The following ASXL3 variants were observed in gnomAD, a reference collection of about 807,000 sequenced individuals.
ASXL3 encodes the protein ASXL transcriptional regulator 3, also known as putative Polycomb group protein ASXL3.
Under a neutral mutation model 170.6 loss-of-function variants are expected in ASXL3, and 34 were observed. That is an observed-to-expected ratio of 0.20 (90% CI 0.15 to 0.27). The LOEUF (loss-of-function observed/expected upper bound fraction) is 0.27. Among genes scored for constraint, ASXL3 ranks in the 10% least tolerant of loss-of-function variants. The pLI, the probability that ASXL3 is intolerant of heterozygous loss-of-function variation, is 1.00. For missense variants in ASXL3, 2,592 were observed against 2,695.3 expected (o/e 0.96, Z 0.85); for synonymous variants, 1,002 against 989.1 (o/e 1.01, Z -0.24).
At chr18:33,609,183 C>T (rs1279612329) in intron 2 of ASXL3, 1 of 448,038 alleles carries the variant, frequency 2.2e-6, no homozygotes, top group African/African-American at 2.1e-5. Context: ...GATTAATTTT[C>T]TTCTTGCCAC....
At chr18:33,711,734 A>G (rs926797754) in intron 8 of ASXL3, among the ~76,000 whole-genome samples, 1 of 152,088 alleles carries the variant, frequency 6.6e-6, no homozygotes, top group African/African-American at 2.4e-5. Flanking sequence ...GGTGTCTGGG[A>G]GAGGCTATGG....
intron 2 of ASXL3, among the ~76,000 whole-genome samples, chr18:33,634,599 G>A (rs2065737065): frequency 6.6e-6 from 1 of 152,102 alleles, no homozygotes; most frequent in Admixed American, 6.6e-5. Context: ...AAAGTGGATT[G>A]CTGATCTGTA....
At position 33,739,369 on chromosome 18, in the gene ASXL3, C is replaced by T. The variant is rs747029565; in HGVS notation, c.1965C>T (p.Ser655=). 42 of 1,613,584 alleles carry T rather than the reference C, an allele frequency of 2.6e-5. No homozygotes were observed. The African/African-American group carries it at 5.6e-4, about 22-fold the overall frequency. Residue 655 remains serine, a synonymous_variant, in exon 11 of 12, where the codon AGC becomes AGT. Coordinates refer to ENST00000269197, the MANE Select transcript of ASXL3 (RefSeq NM_030632.3). ...LETTFCSEVS[S]TENTDKYNQR... ...CAACATTTTGTTCTGAGGTATCTAG[C>T]ACTGAAAATACAGACAAATACAACC...
At position 33,748,812 on chromosome 18, in the gene ASXL3, A is replaced by G. The variant is rs2067839108; in HGVS notation, c.*2217A>G. On this transcript the variant is annotated 3_prime_UTR_variant, in exon 12 of 12. Coordinates refer to ENST00000269197, the MANE Select transcript of ASXL3 (RefSeq NM_030632.3). ...ACACCAGCAAATTGAAAACCATCAC[A>G]TCAGTAACTGACATGGTGTCGGAAG... is the stretch of plus-strand genomic sequence containing the variant. 1 of 152,236 alleles carries G rather than the reference A, an allele frequency of 6.6e-6. No individual in the cohort carries two copies. The highest frequency in any genetic ancestry group is 1.5e-5 in the Non-Finnish European group (1 of 68,058). 9.4% of individuals were successfully genotyped at this position (152,236 alleles called of 1,614,324 possible). A position where few individuals can be genotyped will look rare whatever the true frequency, so the allele number is the denominator to read the frequency against.
intron 1 of ASXL3, among the ~76,000 whole-genome samples, chr18:33,596,311 A>G (rs1281689132): frequency 6.6e-6 from 1 of 152,112 alleles, no homozygotes; most frequent in Non-Finnish European, 1.5e-5. Flanking sequence ...CAGAGAGTAA[A>G]TGTCTCCAGC....
intron 4 of ASXL3, among the ~76,000 whole-genome samples, chr18:33,656,792 T>G (rs1412522254): frequency 6.6e-6 from 1 of 152,074 alleles, no homozygotes; most frequent in Non-Finnish European, 1.5e-5. Context: ...GAAAATAATT[T>G]AAGAAGGCTT....
intron 5 of ASXL3, among the ~76,000 whole-genome samples, chr18:33,665,722 GCTTT>G (rs2066245243): frequency 6.6e-6 from 1 of 151,966 alleles, no homozygotes; most frequent in South Asian, 2.1e-4. Flanking sequence ...TATCTAACAG[GCTTT>G]CTGTCTGAAA....
At chr18:33,654,724 A>T (rs888982693) in intron 4 of ASXL3, among the ~76,000 whole-genome samples, 4 of 151,768 alleles carry the variant, frequency 2.6e-5, no homozygotes, top group Non-Finnish European at 1.5e-5. Context: ...CATTTTTCCC[A>T]CACAAACAGC....
chr18:33,617,311 G>A (rs965403654), intron 2 of ASXL3, among the ~76,000 whole-genome samples: 1 of 152,008 alleles, frequency 6.6e-6, no homozygotes, highest in African/African-American at 2.4e-5. Flanking sequence ...GGCCAACACG[G>A]TGAAACCCAT....
In ASXL3 at chr18:33,745,653, T is replaced by C. The variant is rs758006880; in HGVS notation, c.5805T>C (p.Pro1935=). The change falls in exon 12 of 12, where the codon CCT becomes CCC. Residue 1935 remains proline (P), a synonymous_variant. Transcript: ENST00000269197. ...TSHRQQFYQM[P]VAARGPIPTA... is the part of the protein sequence containing the mutation. The stretch of plus-strand genomic sequence containing the variant: ...ACAGACAGCAGTTTTACCAAATGCC[T>C]GTGGCTGCCAGGGGCCCCATTCCTA... 7.4e-6 allele frequency: 12 copies of C among 1,613,984 alleles called. No individual in the cohort carries two copies. The highest frequency in any genetic ancestry group is 1.6e-4 in the Middle Eastern group (1 of 6,062).
chr18:33,597,376 G>A (rs1469204914), intron 1 of ASXL3, among the ~76,000 whole-genome samples: 1 of 151,984 alleles, frequency 6.6e-6, no homozygotes, highest in East Asian at 1.9e-4. Flanking sequence ...ATCCTCCCAT[G>A]TCAGTACATA....
In ASXL3 at chr18:33,743,357, A is replaced by G. The variant is rs1403486248; in HGVS notation, c.3509A>G (p.Asn1170Ser). ...AATCCAAACTGTAGATCTCCTAGCA[A>G]CAAGTCTGCCCACCTCCGGGAGACC... ...IVNPNCRSPSNKSAHLRETTT... is the reference protein window; with the variant it reads ...IVNPNCRSPSSKSAHLRETTT... The change falls in exon 12 of 12, where the codon AAC becomes AGC. Residue 1170 changes from asparagine to serine, a missense_variant. This residue lies in a region of ASXL3 where 2,246 missense variants were observed against 2,219.6 expected (regional missense o/e 1.01). Transcript: ENST00000269197. 6.2e-7 allele frequency: 1 copy of G among 1,613,622 alleles called. No homozygotes were observed. The highest frequency in any genetic ancestry group is 1.1e-5 in the South Asian group (1 of 91,080).
intron 2 of ASXL3, among the ~76,000 whole-genome samples, chr18:33,628,393 G>A (rs2065631144): frequency 6.6e-6 from 1 of 152,072 alleles, no homozygotes; most frequent in African/African-American, 2.4e-5. Context: ...AAACCAAGGA[G>A]GAAATGAGAG....
chr18:33,693,718 C>T (rs970803460), intron 8 of ASXL3, among the ~76,000 whole-genome samples: 1 of 152,016 alleles, frequency 6.6e-6, no homozygotes, highest in Non-Finnish European at 1.5e-5. Flanking sequence ...TGTTTTTCAC[C>T]CCAGCAATGC....
At chr18:33,585,762 G>T (rs1292984147) in intron 1 of ASXL3, among the ~76,000 whole-genome samples, 1 of 152,168 alleles carries the variant, frequency 6.6e-6, no homozygotes, top group African/African-American at 2.4e-5. Context: ...AATTCTCCAA[G>T]GCGGTGCAAT....
chr18:33,742,031 G>A (rs550513929), intron 11 of ASXL3, among the ~76,000 whole-genome samples: 12 of 152,312 alleles, frequency 7.9e-5, no homozygotes, highest in South Asian at 2.1e-4. Context: ...GGGTTGGGAC[G>A]TTTACAAAAT....
chr18:33,635,819 G>T (rs2065754543), intron 2 of ASXL3, among the ~76,000 whole-genome samples: 1 of 152,154 alleles, frequency 6.6e-6, no homozygotes, highest in Non-Finnish European at 1.5e-5. Context: ...GAATTTTGGT[G>T]ATGTTCATTG....
At position 33,745,129 on chromosome 18, in the gene ASXL3, G is replaced by C; in HGVS notation, c.5281G>C (p.Glu1761Gln). 1.9e-6 allele frequency: 3 copies of C among 1,613,992 alleles called. No homozygotes were observed. The highest frequency in any genetic ancestry group is 2.5e-6 in the Non-Finnish European group (3 of 1,179,892). ...TQLLQGNLPL[E>Q]KVLPQPRLGA... ...GTTACTACAGGGCAACCTGCCTTTG[G>C]AAAAAGTGTTGCCACAGCCCAGATT... Residue 1761 changes from glutamate (E) to glutamine (Q), a missense_variant, in exon 12 of 12, where the codon GAA becomes CAA. By Grantham distance (29) the Glu-to-Gln change is conservative. This residue lies in a region of ASXL3 where 2,246 missense variants were observed against 2,219.6 expected (regional missense o/e 1.01). Coordinates refer to ENST00000269197, the MANE Select transcript of ASXL3 (RefSeq NM_030632.3).
chr18:33,596,023 T>C (rs114509704), intron 1 of ASXL3, among the ~76,000 whole-genome samples: 1 of 152,152 alleles, frequency 6.6e-6, no homozygotes, highest in African/African-American at 2.4e-5. Flanking sequence ...CAATTCATTG[T>C]CTTCTTTTTT....
Sources: gnomAD v4.1 joint callset for allele counts (sites outside exome capture counted in the v4.1 genomes callset) on GRCh38, gnomAD v4.1.1 for gene constraint, gnomAD v4.1.1 regional missense constraint, MANE v1.5 for transcripts, NCBI Gene and HGNC (gene_info 2026-07-23, HGNC 2026-07-21) for gene names.